NUSAP1: variants seen among roughly 807,000 people sequenced by gnomAD.
The protein encoded by NUSAP1 is nucleolar and spindle-associated protein 1.
Under a neutral mutation model 52.8 loss-of-function variants are expected in NUSAP1, and 32 were observed. The ratio of observed to expected loss-of-function variants is 0.61; its 90% CI spans 0.46 to 0.81. NUSAP1 has a LOEUF of 0.81. NUSAP1 is among the 40% of genes least tolerant of loss of function. The pLI, the probability that NUSAP1 is intolerant of heterozygous loss-of-function variation, is 0.00. For missense variants in NUSAP1, 499 were observed against 522.3 expected (o/e 0.96, Z 0.43); for synonymous variants, 195 against 183.1 (o/e 1.06, Z -0.52).
At chr15:41,362,419 C>CTTT (rs71104787) in intron 6 of NUSAP1, among the ~76,000 whole-genome samples, 2 of 131,082 alleles carry the variant, frequency 1.5e-5, no homozygotes, top group Non-Finnish European at 3.2e-5. Context: ...TATTGTTTAT[C>CTTT]TTTTTTTTTT....
At chr15:41,344,660 G>A (rs2048493896) in intron 2 of NUSAP1, among the ~76,000 whole-genome samples, 2 of 151,860 alleles carry the variant, frequency 1.3e-5, no homozygotes, top group Admixed American at 1.3e-4. Flanking sequence ...CAAAAACCAG[G>A]CTGGGCACAG....
At chr15:41,340,568 A>G (rs1295701672) in intron 1 of NUSAP1, among the ~76,000 whole-genome samples, 1 of 152,192 alleles carries the variant, frequency 6.6e-6, no homozygotes, top group East Asian at 1.9e-4. Flanking sequence ...CACCTTCAGC[A>G]CAACTCTTGA....
intron 7 of NUSAP1, 119 bp downstream of exon 7, chr15:41,365,708 C>A: frequency 1.5e-5 from 9 of 585,234 alleles, no homozygotes; most frequent in Non-Finnish European, 1.8e-5. Context: ...AGTGATGTTT[C>A]TTTTCTTTTC....
rs965727548 is a variant in NUSAP1 at position 41,358,141 on chromosome 15, C to A, written c.551-8C>A. On this transcript the variant is annotated splice_polypyrimidine_tract_variant and splice_region_variant and intron_variant, in intron 5 of 10. Transcript: ENST00000559596. ...TTTGTTATTAATTTTTATATTGGAA[C>A]ATTCTAGACTTTAAGAAGCTTCATG... 2 of 1,236,536 alleles carry A rather than the reference C, an allele frequency of 1.6e-6. No homozygotes were observed. The highest frequency in any genetic ancestry group is 2.3e-6 in the Non-Finnish European group (2 of 869,134). 76.6% of individuals were successfully genotyped at this position (1,236,536 alleles called of 1,614,324 possible).
chr15:41,372,365 A>G (rs1485225889), intron 8 of NUSAP1, among the ~76,000 whole-genome samples: 2 of 152,122 alleles, frequency 1.3e-5, no homozygotes, highest in Non-Finnish European at 2.9e-5. Context: ...TCAAGATTCA[A>G]CCATGTTGAC....
chr15:41,377,184 G>A lies in NUSAP1; in HGVS notation c.1124-12G>A. ...AATCTTTTTAAAATTCTTTGTCTCTGTCCTAAACTAGGAAAGCTAAAACCA... is the reference window on the plus strand; with the variant it reads ...AATCTTTTTAAAATTCTTTGTCTCTATCCTAAACTAGGAAAGCTAAAACCA... On this transcript the variant is annotated splice_polypyrimidine_tract_variant and intron_variant, in intron 9 of 10. Coordinates refer to ENST00000559596, the MANE Select transcript of NUSAP1 (RefSeq NM_016359.5). 3 of 1,342,182 alleles carry A rather than the reference G, an allele frequency of 2.2e-6. No homozygotes were observed. The highest frequency in any genetic ancestry group is 2.5e-5 in the East Asian group (1 of 39,388). 83.1% of individuals were successfully genotyped at this position (1,342,182 alleles called of 1,614,324 possible).
chr15:41,374,891 G>C (rs956263720), intron 8 of NUSAP1, among the ~76,000 whole-genome samples: 3 of 151,912 alleles, frequency 2.0e-5, no homozygotes, highest in Non-Finnish European at 4.4e-5. Context: ...GCCCAGGCTG[G>C]AGTGCAATGG....
chr15:41,364,066 A>G (rs1205684285), intron 6 of NUSAP1, among the ~76,000 whole-genome samples: 1 of 152,138 alleles, frequency 6.6e-6, no homozygotes, highest in Non-Finnish European at 1.5e-5. Flanking sequence ...TCCTGGGCTT[A>G]AGCGATCCTC....
chr15:41,365,516 G>A lies in NUSAP1; in HGVS notation c.775G>A (p.Ala259Thr), dbSNP rs1006461869. The change falls in exon 7 of 11, where the codon GCA becomes ACA. Residue 259 changes from alanine (A) to threonine (T), a missense_variant. Coordinates refer to ENST00000559596, the MANE Select transcript of NUSAP1 (RefSeq NM_016359.5). ...CTCGCAAGGCCGGTCTTGTGGCCCT[G>A]CAAGTCAGAGTACCTTGGGTCTGAA... Reference protein sequence around the residue: ...RRSQGRSCGPASQSTLGLKGS... With the variant: ...RRSQGRSCGPTSQSTLGLKGS... 8 of 1,612,630 alleles carry A rather than the reference G, an allele frequency of 5.0e-6. No homozygotes were observed. The African/African-American group carries it at 1.1e-4, about 22-fold the overall frequency.
intron 1 of NUSAP1, among the ~76,000 whole-genome samples, chr15:41,338,018 C>A (rs1324516665): frequency 6.7e-6 from 1 of 150,260 alleles, no homozygotes; most frequent in African/African-American, 2.5e-5. Flanking sequence ...CTGCAACCTC[C>A]ACTTCCCAGG....
chr15:41,347,198 C>T (rs1298397993), intron 2 of NUSAP1, among the ~76,000 whole-genome samples: 1 of 151,984 alleles, frequency 6.6e-6, no homozygotes, highest in Non-Finnish European at 1.5e-5. Context: ...TGATGATAGG[C>T]CTCACTAAAC....
intron 8 of NUSAP1, among the ~76,000 whole-genome samples, chr15:41,374,245 G>A (rs944990299): frequency 4.6e-5 from 7 of 152,128 alleles, no homozygotes; most frequent in African/African-American, 1.7e-4. Flanking sequence ...TATAAACAGC[G>A]GTAATTTCTT....
chr15:41,349,766 C>CTTTTT (rs1181209511), intron 3 of NUSAP1, among the ~76,000 whole-genome samples: 22 of 123,516 alleles, frequency 1.8e-4, no homozygotes, highest in East Asian at 2.3e-4. Flanking sequence ...TTTTTCTTTT[C>CTTTTT]TTTTTTTTTT....
intron 8 of NUSAP1, among the ~76,000 whole-genome samples, chr15:41,374,642 C>T (rs2049844920): frequency 6.6e-6 from 1 of 151,950 alleles, no homozygotes; most frequent in Non-Finnish European, 1.5e-5. Flanking sequence ...ATTCTCCTGC[C>T]TCAGCTTCCT....
At chr15:41,378,947 T>TTTTTTTTTG (rs2050097112) in intron 10 of NUSAP1, among the ~76,000 whole-genome samples, 1 of 95,528 alleles carries the variant, frequency 1.0e-5, no homozygotes, top group African/African-American at 4.5e-5. Context: ...TATCTTGGTT[T>TTTTTTTTTG]TTTTTTTTTT....
Position 41,371,548 on chromosome 15 carries a change from T to A in NUSAP1, c.870T>A (p.Asp290Glu). The change falls in exon 8 of 11, where the codon GAT becomes GAA. Residue 290 changes from aspartate to glutamate, a missense_variant. By Grantham distance (45) the Asp-to-Glu change is conservative. Transcript: ENST00000559596. ...TTAGGTTTTCAGCTGCTACTAAAGA[T>A]AATGAGCATAAGCGTTCACTGACCA... Reference protein sequence around the residue: ...TGVRFSAATKDNEHKRSLTKT... With the variant: ...TGVRFSAATKENEHKRSLTKT... 1 of 1,602,386 alleles carries A rather than the reference T, an allele frequency of 6.2e-7. No homozygotes were observed. The highest frequency in any genetic ancestry group is 1.1e-5 in the South Asian group (1 of 89,338).
At chr15:41,368,295 G>A (rs1269044248) in intron 7 of NUSAP1, among the ~76,000 whole-genome samples, 24 of 152,094 alleles carry the variant, frequency 1.6e-4, no homozygotes, top group Non-Finnish European at 3.5e-4. Flanking sequence ...TAAGAATACA[G>A]GCATAAACCA....
At chr15:41,353,852 C>A (rs555212259) in intron 4 of NUSAP1, among the ~76,000 whole-genome samples, 2 of 152,256 alleles carry the variant, frequency 1.3e-5, no homozygotes, top group South Asian at 4.1e-4. Flanking sequence ...CCCTACACTT[C>A]AGCAATTTCA....
intron 6 of NUSAP1, among the ~76,000 whole-genome samples, chr15:41,364,272 G>A (rs957644396): frequency 1.3e-5 from 2 of 152,146 alleles, no homozygotes; most frequent in Non-Finnish European, 2.9e-5. Context: ...GCTAGGCTGG[G>A]CGTGGTGGCT....
Sources: gnomAD v4.1 joint callset for allele counts (sites outside exome capture counted in the v4.1 genomes callset) on GRCh38, gnomAD v4.1.1 for gene constraint, MANE v1.5 for transcripts, NCBI Gene and HGNC (gene_info 2026-07-23, HGNC 2026-07-21) for gene names.